Variants in ITM2B observed in about 807,000 individuals in gnomAD.
ITM2B encodes the protein ABri/ADan amyloid peptide.
A neutral mutation model predicts 27.8 loss-of-function variants in ITM2B; 11 were observed. The observed-to-expected ratio is 0.40, with a 90% CI of 0.25 to 0.66. The LOEUF is 0.66. ITM2B is among the 30% of genes least tolerant of loss of function. ITM2B has a pLI of 0.43. For synonymous variants in ITM2B, 114 were observed against 114.3 expected (o/e 1.00, Z 0.02); for missense variants, 296 against 328.9 (o/e 0.90, Z 0.77).
intron 1 of ITM2B, among the ~76,000 whole-genome samples, chr13:48,250,666 T>C (rs942015438): frequency 1.3e-5 from 2 of 151,708 alleles, no homozygotes; most frequent in Non-Finnish European, 1.5e-5. Flanking sequence ...AATATATGAG[T>C]GCCAGCTAAT....
At position 48,261,826 on chromosome 13, in the gene ITM2B, AC is replaced by A. The variant is rs1951824913; in HGVS notation, c.*605del. The A allele has an allele frequency of 6.6e-6, 1 of 152,668 alleles. No individual in the cohort carries two copies. 9.5% of individuals were successfully genotyped at this position (152,668 alleles called of 1,614,324 possible). A position where few individuals can be genotyped will look rare whatever the true frequency, so the allele number is the denominator to read the frequency against. ...ATAACTTGTGTTACTAATTTGTATA[AC>A]CCATATCTGTGCAATGGAATATAAA... On this transcript the variant is annotated 3_prime_UTR_variant, in exon 6 of 6. Coordinates refer to ENST00000647800, the MANE Select transcript of ITM2B (RefSeq NM_021999.5).
intron 1 of ITM2B, among the ~76,000 whole-genome samples, chr13:48,244,623 A>G (rs1436341413): frequency 6.6e-6 from 1 of 152,236 alleles, no homozygotes; most frequent in African/African-American, 2.4e-5. Flanking sequence ...ATTTTAAATG[A>G]AATTACCCAT....
chr13:48,247,646 T>C (rs558160420), intron 1 of ITM2B, among the ~76,000 whole-genome samples: 58 of 152,346 alleles, frequency 3.8e-4, no homozygotes, highest in Admixed American at 1.2e-3. Flanking sequence ...CTTAGGGAAC[T>C]GATTGAGGTG....
At chr13:48,241,515 A>G (rs1951700038) in intron 1 of ITM2B, among the ~76,000 whole-genome samples, 1 of 152,126 alleles carries the variant, frequency 6.6e-6, no homozygotes, top group Non-Finnish European at 1.5e-5. Flanking sequence ...CTGGCCCTCC[A>G]TGTTTCTCTT....
chr13:48,260,093 G>T (rs142551504), intron 5 of ITM2B, among the ~76,000 whole-genome samples: 1 of 152,094 alleles, frequency 6.6e-6, no homozygotes, highest in East Asian at 1.9e-4. Context: ...GTGAGAAGAT[G>T]CAGTGTTTGG....
chr13:48,248,044 A>T (rs1345503625), intron 1 of ITM2B, among the ~76,000 whole-genome samples: 2 of 152,072 alleles, frequency 1.3e-5, no homozygotes, highest in Non-Finnish European at 2.9e-5. Flanking sequence ...AGGCCAGGTA[A>T]AGTTATATAC....
In ITM2B at chr13:48,242,837, G is replaced by A. The variant is rs1023352053; in HGVS notation, c.117+9360G>A. Among the ~76,000 whole-genome samples, 3 of 149,468 alleles carry A rather than the reference G, an allele frequency of 2.0e-5. No individual in the cohort carries two copies. In the East Asian group the frequency reaches 5.9e-4, roughly 29 times the overall value. On this transcript the variant is annotated intron_variant, in intron 1 of 5. Coordinates refer to ENST00000647800, the MANE Select transcript of ITM2B (RefSeq NM_021999.5). ...GCTTTCAGCTTTCAACATTTTTATT[G>A]ACATGACTTGTCTGCTGTCATTCAT...
At chr13:48,259,287 G>T (rs1050216751) in intron 5 of ITM2B, among the ~76,000 whole-genome samples, 1 of 152,174 alleles carries the variant, frequency 6.6e-6, no homozygotes, top group Admixed American at 6.5e-5. Flanking sequence ...CTTGGGACCA[G>T]CTCTTCAGCT....
At chr13:48,240,029 T>A (rs1266953992) in intron 1 of ITM2B, among the ~76,000 whole-genome samples, 1 of 152,162 alleles carries the variant, frequency 6.6e-6, no homozygotes, top group Non-Finnish European at 1.5e-5. Flanking sequence ...ATACAGTCAT[T>A]CTTCAAAAGA....
At chr13:48,256,065 C>G (rs1951785452) in intron 2 of ITM2B, 112 bp from the exon 3 acceptor site, 2 of 771,500 alleles carry the variant, frequency 2.6e-6, no homozygotes, top group African/African-American at 3.4e-5. Context: ...CATCTAAAAG[C>G]AAGAGTTTGC....
chr13:48,256,756 T>G (rs941174398), intron 3 of ITM2B, among the ~76,000 whole-genome samples: 15 of 152,238 alleles, frequency 9.9e-5, no homozygotes, highest in Non-Finnish European at 2.1e-4. Flanking sequence ...TTCTATATTT[T>G]TCCCCAGCTT....
chr13:48,238,064 T>C (rs1418283454), intron 1 of ITM2B, among the ~76,000 whole-genome samples: 1 of 152,180 alleles, frequency 6.6e-6, no homozygotes, highest in Non-Finnish European at 1.5e-5. Flanking sequence ...CTGAATGAGG[T>C]GATTTTTGCC....
intron 1 of ITM2B, among the ~76,000 whole-genome samples, chr13:48,248,923 CT>C (rs1430194110): frequency 9.9e-5 from 15 of 152,210 alleles, no homozygotes; most frequent in Non-Finnish European, 2.2e-4. Flanking sequence ...TTGTTACACA[CT>C]TTTTCTAGCA....
intron 1 of ITM2B, among the ~76,000 whole-genome samples, chr13:48,240,399 G>A (rs1951693208): frequency 6.6e-6 from 1 of 152,036 alleles, no homozygotes; most frequent in African/African-American, 2.4e-5. Context: ...TAGAGACGGG[G>A]TTTCACCATG....
intron 1 of ITM2B, among the ~76,000 whole-genome samples, chr13:48,243,445 TA>T (rs752817905): frequency 1.3e-5 from 2 of 152,218 alleles, no homozygotes; most frequent in Non-Finnish European, 2.9e-5. Context: ...GACAACATAT[TA>T]AAAGTAATAT....
intron 2 of ITM2B, among the ~76,000 whole-genome samples, chr13:48,254,718 C>T (rs1280421859): frequency 6.6e-6 from 1 of 151,978 alleles, no homozygotes; most frequent in African/African-American, 2.4e-5. Flanking sequence ...CAATTTCATG[C>T]TCATTTTCTG....
chr13:48,261,086 T>C, intron 5 of ITM2B, 53 bp from the exon 6 acceptor site: 1 of 1,113,006 alleles, frequency 9.0e-7, no homozygotes, highest in South Asian at 1.3e-5. Flanking sequence ...ATGATGTGAA[T>C]ATTTATTATT....
intron 1 of ITM2B, among the ~76,000 whole-genome samples, chr13:48,240,552 C>T (rs148291111): frequency 1.3e-5 from 2 of 152,084 alleles, no homozygotes; most frequent in African/African-American, 2.4e-5. Flanking sequence ...ATGTCAGTAA[C>T]AATATTGTTG....
chr13:48,241,045 C>A (rs1382722344), intron 1 of ITM2B, among the ~76,000 whole-genome samples: 1 of 152,148 alleles, frequency 6.6e-6, no homozygotes, highest in Admixed American at 6.5e-5. Flanking sequence ...CCCTCTTCTG[C>A]CTTTGTGCAA....
Sources: gnomAD v4.1 joint callset for allele counts (sites outside exome capture counted in the v4.1 genomes callset) on GRCh38, gnomAD v4.1.1 for gene constraint, MANE v1.5 for transcripts, NCBI Gene and HGNC (gene_info 2026-07-23, HGNC 2026-07-21) for gene names.